LDLRAD4: variants seen among roughly 807,000 people sequenced by gnomAD.
LDLRAD4 encodes the protein low-density lipoprotein receptor class A domain-containing protein 4.
A neutral mutation model predicts 17.0 loss-of-function variants in LDLRAD4; 5 were observed. The ratio of observed to expected loss-of-function variants is 0.29; its 90% CI spans 0.15 to 0.62. The LOEUF (loss-of-function observed/expected upper bound fraction) is 0.62. Ranked by LOEUF, LDLRAD4 falls within the 20% of genes least tolerant of loss-of-function variation. LDLRAD4 has a pLI of 0.84. For synonymous variants in LDLRAD4, 168 were observed against 171.8 expected, an observed-to-expected ratio of 0.98 and a Z score of 0.17; for missense variants, 340 against 424.7, an observed-to-expected ratio of 0.80 and a Z score of 1.75.
intron 1 of LDLRAD4, among the ~76,000 whole-genome samples, chr18:13,243,410 C>T (rs2042766695): frequency 6.6e-6 from 1 of 152,054 alleles, no homozygotes; most frequent in African/African-American, 2.4e-5. Context: ...ATCCACCCAC[C>T]CACCTATCCA....
chr18:13,464,074 G>A (rs1386249130), intron 3 of LDLRAD4, among the ~76,000 whole-genome samples: 9 of 152,120 alleles, frequency 5.9e-5, no homozygotes, highest in Non-Finnish European at 1.3e-4. Context: ...CAATTTAGAG[G>A]GTTTTCTTTG....
At chr18:13,509,222 GA>G (rs1176159515) in intron 3 of LDLRAD4, among the ~76,000 whole-genome samples, 1 of 152,206 alleles carries the variant, frequency 6.6e-6, no homozygotes, top group Admixed American at 6.5e-5. Context: ...GCTGAAGTGG[GA>G]AGATCAATTA....
At chr18:13,510,106 G>A (rs920054488) in intron 3 of LDLRAD4, among the ~76,000 whole-genome samples, 3 of 152,226 alleles carry the variant, frequency 2.0e-5, no homozygotes, top group African/African-American at 7.2e-5. Flanking sequence ...TGAATCTGCA[G>A]CATCTCCGAG....
chr18:13,335,377 T>C (rs1044899213), intron 1 of LDLRAD4, among the ~76,000 whole-genome samples: 2 of 152,206 alleles, frequency 1.3e-5, no homozygotes, highest in Non-Finnish European at 2.9e-5. Context: ...ACTTTTTTCA[T>C]CACATTTGAA....
chr18:13,282,887 C>T (rs1158632483), intron 1 of LDLRAD4, among the ~76,000 whole-genome samples: 1 of 152,252 alleles, frequency 6.6e-6, no homozygotes, highest in African/African-American at 2.4e-5. Context: ...CATTTCCATA[C>T]ATCTTCTGAA....
At chr18:13,647,229 A>C (rs2043048339) in exon 6 of LDLRAD4, 1 of 152,174 alleles carries the variant, frequency 6.6e-6, no homozygotes, top group Non-Finnish European at 1.5e-5. Flanking sequence ...TGTTAGTTTT[A>C]ATATTCCTGA....
intron 2 of LDLRAD4, among the ~76,000 whole-genome samples, chr18:13,388,575 C>T (rs1426681401): frequency 2.0e-5 from 3 of 152,230 alleles, no homozygotes; most frequent in African/African-American, 7.2e-5. Context: ...TCTCTGGTTC[C>T]GTGAGTCCCA....
intron 2 of LDLRAD4, 144 bp from the exon 4 acceptor site, chr18:13,438,100 T>G: frequency 1.4e-6 from 1 of 727,458 alleles, no homozygotes. Context: ...CTTCTCTGAG[T>G]TTAGTGTCCT....
At chr18:13,547,483 G>A (rs1213519506) in intron 3 of LDLRAD4, among the ~76,000 whole-genome samples, 17 of 152,286 alleles carry the variant, frequency 1.1e-4, no homozygotes, top group African/African-American at 3.1e-4. Flanking sequence ...CACTGGGCTC[G>A]TTCTGCCCAC....
chr18:13,427,428 A>T (rs2090026966), intron 2 of LDLRAD4: 1 of 152,678 alleles, frequency 6.5e-6, no homozygotes, highest in Non-Finnish European at 1.5e-5. Context: ...GGGCTGGTGG[A>T]GTCTTGACTT....
In LDLRAD4 at chr18:13,605,303, G is replaced by A. The variant is rs192850157; in HGVS notation, c.182-15814G>A. Among the ~76,000 whole-genome samples the A allele has an allele frequency of 2.0e-5, 3 of 152,282 alleles. No homozygotes were observed. In the East Asian group the frequency reaches 5.8e-4, roughly 29 times the overall value. On this transcript the variant is annotated intron_variant, in intron 3 of 5. Transcript: ENST00000359446. ...CACAATCACAGCTCACTGCACTCTC[G>A]ACCTCCTGGGCTCAAGTGATCCTCC...
At chr18:13,644,567 C>CAAA (rs34551820) in intron 5 of LDLRAD4, among the ~76,000 whole-genome samples, 1,799 of 136,630 alleles carry the variant, frequency 0.013, 49 homozygotes, top group African/African-American at 0.044. Context: ...GACCCTGTCT[C>CAAA]AAAAAAAAAA....
At chr18:13,437,366 T>A (rs1247069667) in intron 2 of LDLRAD4, among the ~76,000 whole-genome samples, 2 of 152,256 alleles carry the variant, frequency 1.3e-5, no homozygotes, top group East Asian at 3.8e-4. Context: ...GAATGCAGGA[T>A]GACAGTCACT....
intron 3 of LDLRAD4, among the ~76,000 whole-genome samples, chr18:13,486,136 A>AT (rs1490958561): frequency 1.3e-5 from 2 of 152,138 alleles, no homozygotes; most frequent in Non-Finnish European, 2.9e-5. Context: ...TAGAAACTGG[A>AT]TTTTAACCCC....
At chr18:13,561,175 C>A (rs1445572370) in intron 3 of LDLRAD4, among the ~76,000 whole-genome samples, 1 of 152,158 alleles carries the variant, frequency 6.6e-6, no homozygotes, top group Non-Finnish European at 1.5e-5. Context: ...TCTTCAGGTT[C>A]CACGTTTGAA....
intron 1 of LDLRAD4, among the ~76,000 whole-genome samples, chr18:13,365,836 C>T (rs1599702302): frequency 6.6e-6 from 1 of 152,176 alleles, no homozygotes; most frequent in African/African-American, 2.4e-5. Flanking sequence ...TGCAATGGCA[C>T]GATCTTGGCT....
At chr18:13,553,973 G>A (rs1311813403) in intron 3 of LDLRAD4, among the ~76,000 whole-genome samples, 3 of 152,146 alleles carry the variant, frequency 2.0e-5, no homozygotes, top group African/African-American at 7.2e-5. Context: ...GAGTGTCTCT[G>A]TGTAGCCCAT....
chr18:13,415,540 C>G (rs988429612), intron 2 of LDLRAD4, among the ~76,000 whole-genome samples: 1 of 152,148 alleles, frequency 6.6e-6, no homozygotes, highest in Non-Finnish European at 1.5e-5. Flanking sequence ...GACTTGTCTC[C>G]CCGGTGGTTA....
At chr18:13,415,130 G>T (rs867656705) in intron 2 of LDLRAD4, among the ~76,000 whole-genome samples, 16 of 152,314 alleles carry the variant, frequency 1.1e-4, no homozygotes, top group Middle Eastern at 3.4e-3. Context: ...GAGGCTGGTT[G>T]TGGGGGCATC....
Sources: gnomAD v4.1 joint callset for allele counts (sites outside exome capture counted in the v4.1 genomes callset) on GRCh38, gnomAD v4.1.1 for gene constraint, MANE v1.5 for transcripts, NCBI Gene and HGNC (gene_info 2026-07-23, HGNC 2026-07-21) for gene names.